The following ATOSA variants were observed in gnomAD, a reference collection of about 807,000 sequenced individuals.
The protein encoded by ATOSA is atos homolog A.
chr15:52,667,689 C>T, the ATOSA span, among the ~76,000 whole-genome samples: 1,570 of 152,232 alleles, frequency 0.01, 24 homozygotes, highest in African/African-American at 0.037. Context: ...TATACACAAT[C>T]GGCTTTTGCA....
At chr15:52,673,251 G>A in the ATOSA span, among the ~76,000 whole-genome samples, 4 of 152,200 alleles carry the variant, frequency 2.6e-5, no homozygotes, top group African/African-American at 9.7e-5. Flanking sequence ...GAGAGGACAA[G>A]CAGCTTTCCA....
At chr15:52,648,702 T>C in the ATOSA span, 2 of 152,078 alleles carry the variant, frequency 1.3e-5, no homozygotes, top group Non-Finnish European at 2.9e-5. Context: ...GGAATATACA[T>C]AACTGATTCA....
At chr15:52,652,144 T>C in the ATOSA span, 1 of 1,152,862 alleles carries the variant, frequency 8.7e-7, no homozygotes, top group Non-Finnish European at 1.1e-6. Context: ...CTAGGTCCAC[T>C]ACAGCTTCCT....
At chr15:52,677,225 C>G in the ATOSA span, among the ~76,000 whole-genome samples, 3 of 152,214 alleles carry the variant, frequency 2.0e-5, no homozygotes, top group African/African-American at 7.2e-5. Context: ...GTCATCTAGT[C>G]CAGCCCCCTA....
At chr15:52,617,943 A>T in the ATOSA span, among the ~76,000 whole-genome samples, 1 of 152,010 alleles carries the variant, frequency 6.6e-6, no homozygotes, top group Non-Finnish European at 1.5e-5. Flanking sequence ...ATCAACCATG[A>T]CCCATCTGCA....
At chr15:52,663,178 T>C in the ATOSA span, among the ~76,000 whole-genome samples, 58 of 152,286 alleles carry the variant, frequency 3.8e-4, no homozygotes, top group Non-Finnish European at 7.2e-4. Flanking sequence ...CAGAATGTCC[T>C]TCCTTCCATT....
chr15:52,612,169 G>A, the ATOSA span, among the ~76,000 whole-genome samples: 1 of 152,092 alleles, frequency 6.6e-6, no homozygotes, highest in East Asian at 1.9e-4. Context: ...ACTTTTAGTA[G>A]AGACAGGGCT....
chr15:52,641,308 A>C, the ATOSA span, among the ~76,000 whole-genome samples: 63 of 152,356 alleles, frequency 4.1e-4, no homozygotes, highest in East Asian at 0.012. Context: ...CACTGAGCTG[A>C]AAGTTGACTT....
At chr15:52,589,855 T>C in the ATOSA span, among the ~76,000 whole-genome samples, 1 of 152,070 alleles carries the variant, frequency 6.6e-6, no homozygotes, top group African/African-American at 2.4e-5. Flanking sequence ...TGACACGATC[T>C]TGGCTCAGTG....
chr15:52,667,128 T>A, the ATOSA span, among the ~76,000 whole-genome samples: 2 of 152,214 alleles, frequency 1.3e-5, no homozygotes, highest in African/African-American at 4.8e-5. Context: ...ACTTTAGGTT[T>A]AAAAATATAA....
At chr15:52,620,915 C>A in the ATOSA span, among the ~76,000 whole-genome samples, 1 of 152,008 alleles carries the variant, frequency 6.6e-6, no homozygotes, top group Admixed American at 6.6e-5. Context: ...CCAACCTGGG[C>A]AACAGAGTGA....
At chr15:52,633,406 G>A in the ATOSA span, among the ~76,000 whole-genome samples, 11 of 152,180 alleles carry the variant, frequency 7.2e-5, no homozygotes, top group Non-Finnish European at 1.5e-4. Flanking sequence ...TATCCCAGGT[G>A]GGGAAATAAA....
the ATOSA span, among the ~76,000 whole-genome samples, chr15:52,594,106 C>T: frequency 6.6e-6 from 1 of 151,932 alleles, no homozygotes; most frequent in East Asian, 1.9e-4. Context: ...GGTATTTATC[C>T]CTCACAGTGC....
At chr15:52,672,118 C>T in the ATOSA span, among the ~76,000 whole-genome samples, 1 of 130,304 alleles carries the variant, frequency 7.7e-6, no homozygotes, top group African/African-American at 2.9e-5. Flanking sequence ...AGGAGGGCTG[C>T]TTGAGCCCAG....
At chr15:52,616,452 G>C in the ATOSA span, among the ~76,000 whole-genome samples, 1 of 152,208 alleles carries the variant, frequency 6.6e-6, no homozygotes, top group East Asian at 1.9e-4. Context: ...TGTGACCCCT[G>C]GTTGGAAGTG....
chr15:52,584,643 C>G, the ATOSA span: 2 of 1,007,310 alleles, frequency 2.0e-6, no homozygotes, highest in Non-Finnish European at 2.9e-6. Context: ...TAAGCAAAGT[C>G]CCAAGGGACA....
At chr15:52,648,550 T>C in the ATOSA span, 1 of 152,142 alleles carries the variant, frequency 6.6e-6, no homozygotes, top group Non-Finnish European at 1.5e-5. Flanking sequence ...TATTATTGAA[T>C]GACAGAACGA....
At chr15:52,608,679 T>C in the ATOSA span, 3 of 1,612,664 alleles carry the variant, frequency 1.9e-6, no homozygotes, top group Non-Finnish European at 2.5e-6. Context: ...GCTTATCTTG[T>C]TCATTTTTTA....
chr15:52,691,861 A>T, the ATOSA span, among the ~76,000 whole-genome samples: 22 of 21,216 alleles, frequency 1.0e-3, no homozygotes, highest in Non-Finnish European at 2.8e-3. Flanking sequence ...TAAATAAGAA[A>T]AAGAAAAAGA....
Sources: allele counts gnomAD v4.1 joint callset (sites outside exome capture counted in the v4.1 genomes callset), GRCh38; gene constraint gnomAD v4.1.1; transcripts MANE v1.5; gene names NCBI Gene and HGNC (gene_info 2026-07-23, HGNC 2026-07-21).